MECOM: variants seen among roughly 807,000 people sequenced by gnomAD.
MECOM encodes the protein MDS1 and EVI1 complex locus.
MECOM carries 13 observed loss-of-function variants against 116.3 expected under a neutral mutation model. That is an observed-to-expected ratio of 0.11 (90% CI 0.07 to 0.18). The LOEUF (loss-of-function observed/expected upper bound fraction) is 0.18, where lower values mean the gene tolerates loss of function less well. MECOM is among the 10% of genes least tolerant of loss of function. The pLI, the probability that MECOM is intolerant of heterozygous loss-of-function variation, is 1.00. For synonymous variants in MECOM, 528 were observed against 535.2 expected (o/e 0.99, Z 0.19); for missense variants, 1,299 against 1,509.0 (o/e 0.86, Z 2.31).
intron 2 of MECOM, among the ~76,000 whole-genome samples, chr3:169,323,126 C>T (rs772453424): frequency 2.6e-5 from 4 of 151,576 alleles, no homozygotes; most frequent in South Asian, 4.2e-4. Flanking sequence ...ATCTGTTAGA[C>T]CTTAGACATG....
chr3:169,274,169 CA>C (rs1759307076), intron 2 of MECOM, among the ~76,000 whole-genome samples: 1 of 152,100 alleles, frequency 6.6e-6, no homozygotes, highest in African/African-American at 2.4e-5. Flanking sequence ...TCCTCGACCT[CA>C]CAAAGTGCTG....
chr3:169,594,128 T>C (rs1766782429), intron 1 of MECOM, among the ~76,000 whole-genome samples: 1 of 118,064 alleles, frequency 8.5e-6, no homozygotes, highest in African/African-American at 3.5e-5. Context: ...TGAGACTCCA[T>C]CTCAACGACA....
At chr3:169,415,862 G>A (rs933880253) in intron 1 of MECOM, among the ~76,000 whole-genome samples, 7 of 151,988 alleles carry the variant, frequency 4.6e-5, no homozygotes, top group Non-Finnish European at 7.4e-5. Flanking sequence ...CAGGAGCAAC[G>A]AGATTCATAA....
intron 2 of MECOM, among the ~76,000 whole-genome samples, chr3:169,224,618 G>A (rs1048036644): frequency 6.6e-6 from 1 of 152,218 alleles, no homozygotes; most frequent in African/African-American, 2.4e-5. Context: ...TGGCCATTGG[G>A]GATGGGAAGA....
intron 1 of MECOM, among the ~76,000 whole-genome samples, chr3:169,439,468 G>A (rs1359226388): frequency 6.6e-6 from 1 of 151,548 alleles, no homozygotes; most frequent in African/African-American, 2.4e-5. Context: ...ATAGGCCATA[G>A]ACATAAACAG....
chr3:169,105,403 A>T (rs1443531002), intron 10 of MECOM, among the ~76,000 whole-genome samples: 1 of 152,182 alleles, frequency 6.6e-6, no homozygotes, highest in Non-Finnish European at 1.5e-5. Flanking sequence ...GAGTCACGTG[A>T]TGTTCCTCCA....
At chr3:169,346,136 A>G (rs1214136415) in intron 2 of MECOM, among the ~76,000 whole-genome samples, 2 of 152,100 alleles carry the variant, frequency 1.3e-5, no homozygotes, top group East Asian at 1.9e-4. Flanking sequence ...TGAAGGTACA[A>G]TGTTTTCCAT....
At chr3:169,170,302 G>C (rs536341287) in intron 2 of MECOM, among the ~76,000 whole-genome samples, 3 of 150,710 alleles carry the variant, frequency 2.0e-5, no homozygotes, top group South Asian at 2.1e-4. Flanking sequence ...AGCTACTTGG[G>C]AGGCTGAGGC....
chr3:169,513,658 C>T (rs769099685), intron 1 of MECOM, among the ~76,000 whole-genome samples: 10 of 152,126 alleles, frequency 6.6e-5, no homozygotes, highest in African/African-American at 2.2e-4. Flanking sequence ...AAAATGAATT[C>T]TTTCCTTTAA....
intron 1 of MECOM, among the ~76,000 whole-genome samples, chr3:169,411,731 C>A (rs921731001): frequency 6.6e-5 from 10 of 152,226 alleles, no homozygotes; most frequent in African/African-American, 2.2e-4. Context: ...TGGCTCATGC[C>A]TGTAATCCCG....
intron 2 of MECOM, among the ~76,000 whole-genome samples, chr3:169,156,871 C>A (rs1742076866): frequency 1.3e-5 from 2 of 152,116 alleles, no homozygotes; most frequent in South Asian, 2.1e-4. Flanking sequence ...CTGAATTAAA[C>A]CTTTAAGAAT....
chr3:169,500,266 C>T (rs531993845), intron 1 of MECOM, among the ~76,000 whole-genome samples: 13 of 152,096 alleles, frequency 8.5e-5, no homozygotes, highest in Admixed American at 3.3e-4. Flanking sequence ...TTTGGACAGG[C>T]CTTCCATGAG....
intron 10 of MECOM, among the ~76,000 whole-genome samples, chr3:169,107,172 C>A (rs1169715070): frequency 6.6e-6 from 1 of 152,048 alleles, no homozygotes; most frequent in African/African-American, 2.4e-5. Flanking sequence ...GCATAATTTT[C>A]AGTGAAAAAG....
chr3:169,159,187 T>TA (rs749080996), intron 2 of MECOM, among the ~76,000 whole-genome samples: 55 of 152,336 alleles, frequency 3.6e-4, no homozygotes, highest in Non-Finnish European at 6.6e-4. Context: ...CTTCTGATGT[T>TA]ACACCCTTGA....
chr3:169,534,008 G>A (rs367614811), intron 1 of MECOM, among the ~76,000 whole-genome samples: 60 of 152,234 alleles, frequency 3.9e-4, no homozygotes, highest in East Asian at 1.7e-3. Flanking sequence ...GAAGACTAAC[G>A]TTTAGGTTTC....
intron 1 of MECOM, among the ~76,000 whole-genome samples, chr3:169,629,608 A>T (rs565690251): frequency 1.3e-5 from 2 of 152,290 alleles, no homozygotes; most frequent in African/African-American, 4.8e-5. Context: ...TACGTATGAG[A>T]TTGGAAGGCT....
intron 1 of MECOM, among the ~76,000 whole-genome samples, chr3:169,514,672 C>T (rs1756407923): frequency 6.6e-6 from 1 of 152,274 alleles, no homozygotes; most frequent in South Asian, 2.1e-4. Context: ...TGCGATAGGA[C>T]AGTTGCTGTC....
At chr3:169,182,191 G>A (rs979717689) in intron 2 of MECOM, among the ~76,000 whole-genome samples, 9 of 152,128 alleles carry the variant, frequency 5.9e-5, no homozygotes, top group African/African-American at 2.2e-4. Flanking sequence ...ATAAAATAGA[G>A]CTGCCAAGGC....
intron 2 of MECOM, among the ~76,000 whole-genome samples, chr3:169,219,022 A>G (rs755163637): frequency 2.0e-5 from 3 of 152,046 alleles, no homozygotes; most frequent in Non-Finnish European, 2.9e-5. Flanking sequence ...GTGGGGCCCC[A>G]GTGTTGCTGC....
Sources: allele counts gnomAD v4.1 joint callset (sites outside exome capture counted in the v4.1 genomes callset), GRCh38; gene constraint gnomAD v4.1.1; transcripts MANE v1.5; gene names NCBI Gene and HGNC (gene_info 2026-07-23, HGNC 2026-07-21).